Variants in NRXN3 observed in about 807,000 individuals in gnomAD.
NRXN3 encodes the protein neurexin III.
Under a neutral mutation model 137.6 loss-of-function variants are expected in NRXN3, and 32 were observed. The observed-to-expected ratio is 0.23, with a 90% CI of 0.18 to 0.31. The LOEUF (loss-of-function observed/expected upper bound fraction) is 0.31, where lower values mean the gene tolerates loss of function less well. NRXN3 is among the 10% of genes least tolerant of loss of function. The pLI, the probability that NRXN3 is intolerant of heterozygous loss-of-function variation, is 1.00. For synonymous variants in NRXN3, 798 were observed against 784.5 expected, an observed-to-expected ratio of 1.02 and a Z score of -0.29; for missense variants, 1,574 against 2,062.5, an observed-to-expected ratio of 0.76 and a Z score of 4.59.
chr14:79,557,406 A>G (rs1388645172), intron 16 of NRXN3, among the ~76,000 whole-genome samples: 1 of 152,104 alleles, frequency 6.6e-6, no homozygotes, highest in Non-Finnish European at 1.5e-5. Context: ...TAATTAGCAA[A>G]CTTAACACAC....
chr14:79,117,494 C>T (rs1404949992), intron 15 of NRXN3, among the ~76,000 whole-genome samples: 2 of 152,092 alleles, frequency 1.3e-5, no homozygotes, highest in African/African-American at 2.4e-5. Flanking sequence ...GAAATGATCA[C>T]TAGCTGTCCC....
intron 15 of NRXN3, among the ~76,000 whole-genome samples, chr14:79,178,879 T>A (rs2062629182): frequency 2.0e-5 from 3 of 152,194 alleles, no homozygotes; most frequent in South Asian, 4.1e-4. Context: ...ACCAAATCAT[T>A]AATCTCTGCC....
At chr14:79,031,569 A>G (rs1195893056) in intron 15 of NRXN3, among the ~76,000 whole-genome samples, 4 of 152,148 alleles carry the variant, frequency 2.6e-5, no homozygotes, top group Non-Finnish European at 1.5e-5. Context: ...ACTGAAAACT[A>G]TTTGATCTTC....
intron 4 of NRXN3, among the ~76,000 whole-genome samples, chr14:78,434,040 A>C (rs373483195): frequency 6.6e-6 from 1 of 152,228 alleles, no homozygotes. Flanking sequence ...CATGCTCAGA[A>C]CCCTTATGTT....
intron 4 of NRXN3, among the ~76,000 whole-genome samples, chr14:78,517,172 T>A (rs2096220859): frequency 6.6e-6 from 1 of 152,152 alleles, no homozygotes; most frequent in Non-Finnish European, 1.5e-5. Context: ...ATGGGGTGAA[T>A]GAAAATAAAC....
chr14:78,845,817 A>G (rs2099025036), intron 10 of NRXN3, among the ~76,000 whole-genome samples: 1 of 151,992 alleles, frequency 6.6e-6, no homozygotes, highest in Non-Finnish European at 1.5e-5. Context: ...TTATTTTCAT[A>G]TCTTCATATG....
Position 79,483,788 on chromosome 14 carries a change from G to T in NRXN3, c.3444+16386G>T, listed in dbSNP as rs117397525. Among the ~76,000 whole-genome samples the T allele has an allele frequency of 0.011, 1,585 of 148,458 alleles. 66 individuals are homozygous for T. The East Asian group carries it at 0.12, about 11-fold the overall frequency. ...AATGATGCGTGTGTGTGTGTGGGTG[G>T]GTGTGTGTGTGTGTTTTAAAAAACC... On this transcript the variant is annotated intron_variant, in intron 16 of 20. Coordinates refer to ENST00000335750, the MANE Select transcript of NRXN3 (RefSeq NM_001330195.2).
intron 15 of NRXN3, among the ~76,000 whole-genome samples, chr14:79,007,176 A>G (rs1296865536): frequency 6.6e-6 from 1 of 152,220 alleles, no homozygotes; most frequent in Non-Finnish European, 1.5e-5. Flanking sequence ...CAAAGACATC[A>G]GGTGTATCAA....
At chr14:78,314,425 A>C (rs1367677607) in intron 4 of NRXN3, among the ~76,000 whole-genome samples, 4 of 152,162 alleles carry the variant, frequency 2.6e-5, no homozygotes, top group Admixed American at 6.5e-5. Context: ...TACTCCACAC[A>C]GTCATTCAGG....
rs896403853 is a variant in NRXN3, at chr14:79,219,100, T to C, written c.3262+230959T>C. Reference sequence around the variant, plus strand: ...TTTTTTAAAAGTATATAAATGTTAGTAAAACACATAGATTTACATGGTGGG... The same window carrying C: ...TTTTTTAAAAGTATATAAATGTTAGCAAAACACATAGATTTACATGGTGGG... On this transcript the variant is annotated intron_variant, in intron 15 of 20. Transcript: ENST00000335750. Among the ~76,000 whole-genome samples, 6 of 152,202 alleles carry C rather than the reference T, an allele frequency of 3.9e-5. No homozygotes were observed. The South Asian group carries it at 8.3e-4, about 21-fold the overall frequency.
At chr14:79,435,629 C>CACACACAT (rs1555447222) in intron 15 of NRXN3, among the ~76,000 whole-genome samples, 1 of 150,854 alleles carries the variant, frequency 6.6e-6, no homozygotes, top group African/African-American at 2.5e-5. Context: ...CACACACACA[C>CACACACAT]ATACATTCTT....
At chr14:78,241,169 C>T (rs999970564) in intron 1 of NRXN3, among the ~76,000 whole-genome samples, 1 of 152,172 alleles carries the variant, frequency 6.6e-6, no homozygotes, top group African/African-American at 2.4e-5. Context: ...ATCCATTCTG[C>T]AGTTTTCATA....
At chr14:78,364,897 C>T (rs144881262) in intron 4 of NRXN3, among the ~76,000 whole-genome samples, 3 of 152,082 alleles carry the variant, frequency 2.0e-5, no homozygotes, top group African/African-American at 4.8e-5. Flanking sequence ...ACTAAAGGTA[C>T]GTTCAGAACC....
At chr14:79,696,138 A>G (rs2098734598) in intron 18 of NRXN3, among the ~76,000 whole-genome samples, 1 of 151,892 alleles carries the variant, frequency 6.6e-6, no homozygotes, top group African/African-American at 2.4e-5. Flanking sequence ...TTATACATTG[A>G]GAAGGTATTT....
chr14:79,334,224 A>G (rs1041388305), intron 15 of NRXN3, among the ~76,000 whole-genome samples: 5 of 152,174 alleles, frequency 3.3e-5, no homozygotes, highest in Non-Finnish European at 4.4e-5. Flanking sequence ...ATACTCTTCA[A>G]TGGTGCTATG....
chr14:79,298,434 T>C (rs1364405246), intron 15 of NRXN3, among the ~76,000 whole-genome samples: 1 of 152,044 alleles, frequency 6.6e-6, no homozygotes, highest in African/African-American at 2.4e-5. Context: ...GGCCAGGTGA[T>C]CGAGCATTCT....
chr14:78,446,685 G>A (rs2094429253), intron 4 of NRXN3, among the ~76,000 whole-genome samples: 1 of 152,212 alleles, frequency 6.6e-6, no homozygotes, highest in East Asian at 1.9e-4. Context: ...ATCATTTGTA[G>A]AGCAGGATAA....
Position 78,659,714 on chromosome 14 carries a change from C to CA in NRXN3, c.1221+8406dup, listed in dbSNP as rs202186566. ...AACTGCCATTTTTTGTGTGTGAGGA[C>CA]AAAAAAAAAAAAAAAAAAGTCAAAT... On this transcript the variant is annotated intron_variant, in intron 6 of 20. Coordinates refer to ENST00000335750, the MANE Select transcript of NRXN3 (RefSeq NM_001330195.2). Among the ~76,000 whole-genome samples, 406 of 104,158 alleles carry CA rather than the reference C, an allele frequency of 3.9e-3. 1 individual carries two copies. Among genetic ancestry groups the CA allele is most frequent in the Middle Eastern group, 5.7e-3 (1 of 176 alleles). The allele number at this position is 104,158 out of a possible 152,430, so 68.3% of individuals were successfully genotyped here. A position where few individuals can be genotyped will look rare whatever the true frequency, so the allele number is the denominator to read the frequency against.
chr14:78,855,506 A>C, intron 10 of NRXN3, among the ~76,000 whole-genome samples: 1 of 152,120 alleles, frequency 6.6e-6, no homozygotes, highest in Non-Finnish European at 1.5e-5. Flanking sequence ...TTCCTGAATT[A>C]TATGTCTGTG....
Sources: gnomAD v4.1 joint callset for allele counts (sites outside exome capture counted in the v4.1 genomes callset) on GRCh38, gnomAD v4.1.1 for gene constraint, MANE v1.5 for transcripts, NCBI Gene and HGNC (gene_info 2026-07-23, HGNC 2026-07-21) for gene names.